The following MTUS2 variants were observed in gnomAD, a reference collection of about 807,000 sequenced individuals.
MTUS2 encodes the protein microtubule associated scaffold protein 2.
MTUS2 carries 40 observed loss-of-function variants against 114.1 expected under a neutral mutation model. The observed-to-expected ratio is 0.35, with a 90% CI of 0.27 to 0.46. The LOEUF is 0.46. MTUS2 is among the 20% of genes least tolerant of loss of function. MTUS2 has a pLI of 1.00. For synonymous variants in MTUS2, 688 were observed against 672.0 expected (o/e 1.02, Z -0.37); for missense variants, 1,679 against 1,705.4 (o/e 0.98, Z 0.27).
chr13:29,443,600 G>T (rs1201950023), intron 9 of MTUS2, among the ~76,000 whole-genome samples: 1 of 152,256 alleles, frequency 6.6e-6, no homozygotes. Flanking sequence ...CACTTCAGCA[G>T]CAAGCACCCA....
intron 6 of MTUS2, among the ~76,000 whole-genome samples, chr13:29,309,493 A>G (rs2139636194): frequency 6.6e-6 from 1 of 152,242 alleles, no homozygotes; most frequent in East Asian, 1.9e-4. Context: ...CTTAATACCT[A>G]GGTGATGGGA....
chr13:29,461,785 C>T (rs1241664659), intron 9 of MTUS2, among the ~76,000 whole-genome samples: 1 of 152,160 alleles, frequency 6.6e-6, no homozygotes, highest in Non-Finnish European at 1.5e-5. Context: ...ATGAATGTAG[C>T]TGTAAGAAGC....
chr13:29,088,292 T>A (rs1290537110), intron 4 of MTUS2, among the ~76,000 whole-genome samples: 2 of 21,274 alleles, frequency 9.4e-5, no homozygotes, highest in African/African-American at 2.0e-4. Flanking sequence ...TTTAGAGTGA[T>A]CTTCTTGGTA....
chr13:29,443,034 T>C (rs1014617036), intron 9 of MTUS2, among the ~76,000 whole-genome samples: 4 of 152,130 alleles, frequency 2.6e-5, no homozygotes, highest in Admixed American at 6.5e-5. Context: ...CTCTATGAAA[T>C]AGATGAGTTT....
At chr13:29,365,447 C>CGGTT (rs1870622546) in intron 8 of MTUS2, among the ~76,000 whole-genome samples, 1 of 151,670 alleles carries the variant, frequency 6.6e-6, no homozygotes, top group Non-Finnish European at 1.5e-5. Context: ...AAGGTGAAAA[C>CGGTT]TAATTGCCCC....
At chr13:29,444,760 T>A (rs1238621892) in intron 9 of MTUS2, among the ~76,000 whole-genome samples, 4 of 151,790 alleles carry the variant, frequency 2.6e-5, no homozygotes, top group Non-Finnish European at 4.4e-5. Flanking sequence ...CAAGGGAGAG[T>A]GGCACAGGTG....
intron 2 of MTUS2, among the ~76,000 whole-genome samples, chr13:29,010,273 G>T (rs1004025581): frequency 1.3e-5 from 2 of 150,424 alleles, no homozygotes; most frequent in Admixed American, 6.6e-5. Context: ...ACAGTCACAC[G>T]CAGAATGCTT....
At chr13:29,116,223 G>A (rs1891079886) in intron 5 of MTUS2, among the ~76,000 whole-genome samples, 1 of 152,182 alleles carries the variant, frequency 6.6e-6, no homozygotes, top group Non-Finnish European at 1.5e-5. Context: ...GATAAATTGA[G>A]AATAACTAAA....
chr13:29,457,999 GC>G lies in MTUS2; in HGVS notation c.3184+17952del, dbSNP rs544925634. On this transcript the variant is annotated intron_variant, in intron 9 of 15. Coordinates refer to ENST00000612955, the MANE Select transcript of MTUS2 (RefSeq NM_001033602.4). ...GATCTCCTGACCTCATGATCCGCCT[GC>G]CTCGGCCTCCCAAAGTGCTGGGATT... Among the ~76,000 whole-genome samples, 3 of 152,266 alleles carry G rather than the reference GC, an allele frequency of 2.0e-5. No homozygotes were observed. The South Asian group carries it at 6.2e-4, about 32-fold the overall frequency.
intron 1 of MTUS2, among the ~76,000 whole-genome samples, chr13:28,824,946 G>A (rs1448462103): frequency 6.6e-6 from 1 of 152,192 alleles, no homozygotes; most frequent in African/African-American, 2.4e-5. Flanking sequence ...CTCACTGAAA[G>A]GAGATGTTGA....
chr13:29,503,421 A>G lies in MTUS2; in HGVS notation c.*215A>G. ...GTAAAGTCTGATGTGCAAACGTTTT[A>G]CCATAGTTAGAGCCAAAAGAAAGAC... On this transcript the variant is annotated 3_prime_UTR_variant, in exon 16 of 16. Transcript: ENST00000612955. The G allele has an allele frequency of 1.7e-6, 1 of 599,752 alleles. No individual in the cohort carries two copies. Among genetic ancestry groups the G allele is most frequent in the East Asian group, 2.8e-5 (1 of 36,040 alleles). 37.2% of individuals were successfully genotyped at this position (599,752 alleles called of 1,614,324 possible).
intron 1 of MTUS2, among the ~76,000 whole-genome samples, chr13:28,823,909 G>T (rs73452647): frequency 0.013 from 1,973 of 152,210 alleles, 42 homozygotes; most frequent in African/African-American, 0.045. Flanking sequence ...GAAAAACACC[G>T]TATAAAACCA....
chr13:29,309,897 T>C (rs1262972708), intron 6 of MTUS2, among the ~76,000 whole-genome samples: 1 of 152,174 alleles, frequency 6.6e-6, no homozygotes, highest in South Asian at 2.1e-4. Flanking sequence ...CTCAAGCATT[T>C]ATCCTTTCTT....
chr13:29,190,866 A>G (rs1277964037), intron 5 of MTUS2, among the ~76,000 whole-genome samples: 1 of 152,164 alleles, frequency 6.6e-6, no homozygotes, highest in African/African-American at 2.4e-5. Flanking sequence ...TGTGACCTAC[A>G]TTACCATAGT....
chr13:28,887,082 G>C (rs1878635108), intron 2 of MTUS2, among the ~76,000 whole-genome samples: 1 of 152,214 alleles, frequency 6.6e-6, no homozygotes, highest in Non-Finnish European at 1.5e-5. Flanking sequence ...AAGGTTGGAA[G>C]TACATCCTGC....
chr13:29,447,362 G>A (rs950268711), intron 9 of MTUS2, among the ~76,000 whole-genome samples: 3 of 152,110 alleles, frequency 2.0e-5, no homozygotes, highest in Non-Finnish European at 4.4e-5. Flanking sequence ...CATAAAGGGG[G>A]AGTATTTTGA....
intron 8 of MTUS2, among the ~76,000 whole-genome samples, chr13:29,370,131 C>T (rs899327208): frequency 6.6e-6 from 1 of 152,172 alleles, no homozygotes; most frequent in Non-Finnish European, 1.5e-5. Context: ...GGGTGGATCG[C>T]TTGAGCCCAG....
intron 2 of MTUS2, among the ~76,000 whole-genome samples, chr13:28,897,243 T>C (rs1237519018): frequency 6.6e-6 from 1 of 152,028 alleles, no homozygotes; most frequent in Non-Finnish European, 1.5e-5. Flanking sequence ...GTGAAGGATA[T>C]GAACACATGC....
intron 2 of MTUS2, among the ~76,000 whole-genome samples, chr13:28,954,538 A>G (rs1276354106): frequency 6.6e-6 from 1 of 152,182 alleles, no homozygotes; most frequent in African/African-American, 2.4e-5. Flanking sequence ...TCAGGAATGT[A>G]TTCATAGTGG....
Sources: gnomAD v4.1 joint callset for allele counts (sites outside exome capture counted in the v4.1 genomes callset) on GRCh38, gnomAD v4.1.1 for gene constraint, MANE v1.5 for transcripts, NCBI Gene and HGNC (gene_info 2026-07-23, HGNC 2026-07-21) for gene names.